The following MALRD1 variants were observed in gnomAD, a reference collection of about 807,000 sequenced individuals.
The protein encoded by MALRD1 is MAM and LDL receptor class A domain containing 1.
In MALRD1, 247 loss-of-function variants were observed where a neutral mutation model predicts 242.1. The observed-to-expected ratio is 1.02, with a 90% confidence interval of 0.92 to 1.13. MALRD1 has a LOEUF of 1.13. MALRD1 is among the 50% of genes most tolerant of loss of function. MALRD1 has a pLI of 0.00. For synonymous variants in MALRD1, 995 were observed against 866.6 expected, an observed-to-expected ratio of 1.15 and a Z score of -2.60; for missense variants, 2,989 against 2,533.1, an observed-to-expected ratio of 1.18 and a Z score of -3.86.
chr10:19,248,818 A>G (rs1839174529), intron 18 of MALRD1, among the ~76,000 whole-genome samples: 2 of 151,062 alleles, frequency 1.3e-5, no homozygotes, highest in African/African-American at 4.8e-5. Flanking sequence ...TAGTATTAAA[A>G]TGATAGATTT....
chr10:19,549,395 C>T lies in MALRD1; in HGVS notation c.5478+18044C>T, dbSNP rs375940979. Among the ~76,000 whole-genome samples, 11 of 152,118 alleles carry T rather than the reference C, an allele frequency of 7.2e-5. No individual in the cohort carries two copies. The South Asian group carries it at 1.2e-3, about 17-fold the overall frequency. On this transcript the variant is annotated intron_variant, in intron 32 of 39. Transcript: ENST00000454679. Reference sequence around the variant, plus strand: ...AGAGAAATCTTTTGAGCAAGAAAGTCGATCGTGCAGCAAACTTATTGTCTT... The same window carrying T: ...AGAGAAATCTTTTGAGCAAGAAAGTTGATCGTGCAGCAAACTTATTGTCTT...
At chr10:19,156,625 C>T (rs1834157333) in intron 12 of MALRD1, among the ~76,000 whole-genome samples, 2 of 152,036 alleles carry the variant, frequency 1.3e-5, no homozygotes, top group Admixed American at 1.3e-4. Flanking sequence ...TTAATTCTGT[C>T]TGCTTTACAG....
intron 1 of MALRD1, among the ~76,000 whole-genome samples, chr10:19,065,046 G>A (rs1214396385): frequency 6.6e-6 from 1 of 151,998 alleles, no homozygotes; most frequent in Non-Finnish European, 1.5e-5. Context: ...CCAGCACTTT[G>A]GGAGGCCGAG....
chr10:19,588,824 G>A (rs1033201265), intron 33 of MALRD1, among the ~76,000 whole-genome samples: 6 of 152,086 alleles, frequency 3.9e-5, no homozygotes, highest in African/African-American at 1.2e-4. Context: ...TGTATTTTTA[G>A]TAGAGATAGG....
intron 30 of MALRD1, among the ~76,000 whole-genome samples, chr10:19,497,830 G>A (rs149056722): frequency 3.9e-5 from 6 of 152,162 alleles, no homozygotes; most frequent in African/African-American, 1.4e-4. Flanking sequence ...TGAAAGCCTA[G>A]ATCAGGGTAT....
At chr10:19,423,823 G>A (rs1234584235) in intron 28 of MALRD1, among the ~76,000 whole-genome samples, 3 of 152,226 alleles carry the variant, frequency 2.0e-5, no homozygotes, top group Non-Finnish European at 1.5e-5. Context: ...GATGCAGCAG[G>A]GAGGCTGATT....
intron 28 of MALRD1, among the ~76,000 whole-genome samples, chr10:19,429,422 G>C (rs1435035188): frequency 1.3e-5 from 2 of 152,106 alleles, no homozygotes; most frequent in Admixed American, 6.6e-5. Flanking sequence ...AAATGAGCCG[G>C]GCGTGGTGGT....
intron 36 of MALRD1, among the ~76,000 whole-genome samples, chr10:19,667,680 G>A (rs1841733110): frequency 6.6e-6 from 1 of 151,914 alleles, no homozygotes; most frequent in South Asian, 2.1e-4. Context: ...TTTGCTTTCT[G>A]CTATGATTGA....
intron 29 of MALRD1, among the ~76,000 whole-genome samples, chr10:19,488,019 G>A (rs184337034): frequency 6.6e-6 from 1 of 152,132 alleles, no homozygotes. Flanking sequence ...TCCACCTCGG[G>A]TACATCACCT....
chr10:19,319,153 T>C (rs929685511), intron 21 of MALRD1, among the ~76,000 whole-genome samples: 1 of 152,128 alleles, frequency 6.6e-6, no homozygotes, highest in Non-Finnish European at 1.5e-5. Context: ...TTATTTTGAA[T>C]GCAGTCTCTT....
chr10:19,406,122 G>A (rs568426753), intron 28 of MALRD1, among the ~76,000 whole-genome samples: 12 of 152,230 alleles, frequency 7.9e-5, no homozygotes, highest in Non-Finnish European at 4.4e-5. Context: ...GTTGCAAATT[G>A]TTTTCAGGGC....
At position 19,109,123 on chromosome 10, in the gene MALRD1, C is replaced by T. The variant is rs1167562757; in HGVS notation, c.694+5048C>T. Among the ~76,000 whole-genome samples, 8 of 152,122 alleles carry T rather than the reference C, an allele frequency of 5.3e-5. No homozygotes were observed. In the East Asian group the frequency reaches 1.2e-3, roughly 22 times the overall value. On this transcript the variant is annotated intron_variant, in intron 5 of 39. Transcript: ENST00000454679. ...TCAGAGTAATTTCTTCAGCTGTAGTCAACATCAGTAATACCTGAAGGTGTC... is the reference window on the plus strand; with the variant it reads ...TCAGAGTAATTTCTTCAGCTGTAGTTAACATCAGTAATACCTGAAGGTGTC...
chr10:19,583,132 A>G (rs1837214887), intron 33 of MALRD1, among the ~76,000 whole-genome samples: 1 of 126,796 alleles, frequency 7.9e-6, no homozygotes, highest in African/African-American at 3.3e-5. Context: ...GGCTGAGACG[A>G]TGGGGTTTTC....
At chr10:19,559,447 C>A (rs1835867031) in intron 32 of MALRD1, among the ~76,000 whole-genome samples, 1 of 152,008 alleles carries the variant, frequency 6.6e-6, no homozygotes, top group Admixed American at 6.6e-5. Flanking sequence ...TTCACTTCAT[C>A]CCATATACTT....
chr10:19,162,502 A>G (rs1036672899), intron 12 of MALRD1, among the ~76,000 whole-genome samples: 1 of 152,214 alleles, frequency 6.6e-6, no homozygotes, highest in Non-Finnish European at 1.5e-5. Context: ...GGCATGTACC[A>G]GGTTGAGAGG....
At chr10:19,510,131 A>C (rs117152062) in intron 31 of MALRD1, among the ~76,000 whole-genome samples, 1 of 152,184 alleles carries the variant, frequency 6.6e-6, no homozygotes, top group East Asian at 1.9e-4. Context: ...TTTGATGTGC[A>C]CGTACGTAAA....
At chr10:19,237,675 A>C (rs1355463534) in intron 18 of MALRD1, among the ~76,000 whole-genome samples, 75 of 122,122 alleles carry the variant, frequency 6.1e-4, no homozygotes, top group South Asian at 3.2e-3. Context: ...TTATATAATT[A>C]TATATAATTT....
chr10:19,521,312 T>G (rs1368640523), intron 31 of MALRD1, among the ~76,000 whole-genome samples: 1 of 152,178 alleles, frequency 6.6e-6, no homozygotes, highest in Non-Finnish European at 1.5e-5. Context: ...ATTTATTTCC[T>G]TGAGTGTCCT....
intron 38 of MALRD1, among the ~76,000 whole-genome samples, chr10:19,719,492 C>G (rs1459047495): frequency 3.3e-5 from 5 of 151,848 alleles, no homozygotes; most frequent in Non-Finnish European, 2.9e-5. Flanking sequence ...AGCAAGAGTG[C>G]TTAAACAGTG....
Sources: allele counts gnomAD v4.1 joint callset (sites outside exome capture counted in the v4.1 genomes callset), GRCh38; gene constraint gnomAD v4.1.1; transcripts MANE v1.5; gene names NCBI Gene and HGNC (gene_info 2026-07-23, HGNC 2026-07-21).